Variants in AKAP6 observed in about 807,000 individuals in gnomAD.
The protein encoded by AKAP6 is A-kinase anchoring protein 6.
In AKAP6, 58 loss-of-function variants were observed where a neutral mutation model predicts 188.5. That is an observed-to-expected ratio of 0.31 (90% confidence interval 0.25 to 0.38). AKAP6 has a LOEUF of 0.38. Among genes scored for constraint, AKAP6 ranks in the 10% least tolerant of loss-of-function variants. The pLI is 1.00. For synonymous variants in AKAP6, 989 were observed against 998.6 expected, an observed-to-expected ratio of 0.99 and a Z score of 0.18; for missense variants, 2,710 against 2,740.0, an observed-to-expected ratio of 0.99 and a Z score of 0.24.
chr14:32,568,909 G>A lies in AKAP6; in HGVS notation c.2347-8211G>A, dbSNP rs1007874895. Among the ~76,000 whole-genome samples the A allele has an allele frequency of 2.6e-5, 4 of 152,068 alleles. No individual in the cohort carries two copies. The highest frequency in any genetic ancestry group is 6.6e-5 in the Admixed American group (1 of 15,262). The stretch of plus-strand genomic sequence containing the variant: ...TATTTTTATTAGACTTTGATGATAT[G>A]CATTCCAATCTTGTTTTGCCCTTAG... On this transcript the variant is annotated intron_variant, in intron 4 of 13. Transcript: ENST00000280979. The surrounding 1 kb of genome is among the most constrained non-coding windows in gnomAD (Gnocchi z 6.2).
intron 4 of AKAP6, among the ~76,000 whole-genome samples, chr14:32,553,565 CT>C (rs2139182605): frequency 6.6e-6 from 1 of 152,292 alleles, no homozygotes; most frequent in Admixed American, 6.5e-5. Flanking sequence ...GTAAATCCCC[CT>C]CTCATCCTTA....
At chr14:32,523,058 G>A (rs897261521) in intron 2 of AKAP6, among the ~76,000 whole-genome samples, 9 of 151,966 alleles carry the variant, frequency 5.9e-5, no homozygotes, top group Admixed American at 5.9e-4. Context: ...CCATCATTCT[G>A]AGCAAACTAT....
intron 2 of AKAP6, among the ~76,000 whole-genome samples, chr14:32,489,553 T>A (rs182734791): frequency 1.1e-4 from 16 of 152,290 alleles, no homozygotes; most frequent in Admixed American, 3.9e-4. Context: ...ATATGCAATG[T>A]TTTTAATTAA....
intron 9 of AKAP6, among the ~76,000 whole-genome samples, chr14:32,724,112 T>C (rs971675419): frequency 2.0e-5 from 3 of 152,162 alleles, no homozygotes; most frequent in African/African-American, 7.2e-5. Context: ...TTTACTAGCA[T>C]ACTGCTACAT....
intron 2 of AKAP6, among the ~76,000 whole-genome samples, chr14:32,483,480 A>G (rs1041216312): frequency 3.3e-5 from 5 of 151,880 alleles, no homozygotes; most frequent in African/African-American, 9.7e-5. Flanking sequence ...TTTTTTAAAA[A>G]AATTATTTAT....
chr14:32,540,872 G>T (rs563872115), intron 3 of AKAP6, among the ~76,000 whole-genome samples: 36 of 144,422 alleles, frequency 2.5e-4, no homozygotes, highest in Admixed American at 2.2e-3. Context: ...TTTTTTTTCA[G>T]GGAGGGATTT....
At chr14:32,465,563 C>T (rs1878364163) in intron 2 of AKAP6, among the ~76,000 whole-genome samples, 2 of 152,260 alleles carry the variant, frequency 1.3e-5, no homozygotes, top group East Asian at 3.9e-4. Flanking sequence ...TGGACCCCTT[C>T]CTTACACCTC....
intron 12 of AKAP6, among the ~76,000 whole-genome samples, chr14:32,811,147 G>A (rs557154788): frequency 4.0e-5 from 6 of 151,356 alleles, no homozygotes; most frequent in East Asian, 3.9e-4. Context: ...GCTGAGGCAG[G>A]AGAATGGCAT....
intron 11 of AKAP6, among the ~76,000 whole-genome samples, chr14:32,757,271 A>C (rs896980523): frequency 6.6e-6 from 1 of 152,130 alleles, no homozygotes; most frequent in Non-Finnish European, 1.5e-5. Flanking sequence ...GTTCAAATTG[A>C]TGTGTCTGTT....
chr14:32,765,357 C>T (rs2032680192), intron 11 of AKAP6, among the ~76,000 whole-genome samples: 1 of 152,074 alleles, frequency 6.6e-6, no homozygotes, highest in Non-Finnish European at 1.5e-5. Flanking sequence ...TCTGATATGT[C>T]AGGTCTCTCA....
intron 1 of AKAP6, among the ~76,000 whole-genome samples, chr14:32,389,865 G>A (rs1888653187): frequency 6.6e-6 from 1 of 152,068 alleles, no homozygotes; most frequent in Admixed American, 6.6e-5. Flanking sequence ...TGTGTTCTTG[G>A]TGCTTCTTGT....
intron 9 of AKAP6, among the ~76,000 whole-genome samples, chr14:32,727,004 A>G (rs2030906734): frequency 6.6e-6 from 1 of 152,246 alleles, no homozygotes; most frequent in African/African-American, 2.4e-5. Flanking sequence ...AATATTTAAT[A>G]TAAACTCATT....
chr14:32,346,663 C>T (rs981652356), intron 1 of AKAP6, among the ~76,000 whole-genome samples: 5 of 152,316 alleles, frequency 3.3e-5, no homozygotes, highest in East Asian at 1.9e-4. Flanking sequence ...GGCCCGCCAC[C>T]GCGCCTGGCT....
chr14:32,755,280 T>C (rs1292606437), intron 11 of AKAP6, among the ~76,000 whole-genome samples: 1 of 152,042 alleles, frequency 6.6e-6, no homozygotes, highest in Non-Finnish European at 1.5e-5. Flanking sequence ...TTGAGTCTGC[T>C]GTTGAAGCTC....
chr14:32,749,518 T>C (rs1289521906), intron 11 of AKAP6, among the ~76,000 whole-genome samples: 1 of 152,156 alleles, frequency 6.6e-6, no homozygotes, highest in Non-Finnish European at 1.5e-5. Context: ...TCTAGCATTG[T>C]AATATTCAGC....
intron 5 of AKAP6, among the ~76,000 whole-genome samples, chr14:32,589,551 G>A (rs1348338258): frequency 6.6e-6 from 1 of 152,146 alleles, no homozygotes; most frequent in African/African-American, 2.4e-5. Context: ...GCATCTAGAA[G>A]ACAAATAGTG....
At position 32,421,449 on chromosome 14, in the gene AKAP6, ATAC is replaced by A. The variant is rs572923894; in HGVS notation, c.-34-12009_-34-12007del. Among the ~76,000 whole-genome samples, 3 of 152,178 alleles carry A rather than the reference ATAC, an allele frequency of 2.0e-5. No individual in the cohort carries two copies. The South Asian group carries it at 6.2e-4, about 32-fold the overall frequency. ...GTGATTTTCATTTTTGCTATTATACATACTTTTATTTTCCCAGAGTCCTTTTTT... is the reference window on the plus strand; with the variant it reads ...GTGATTTTCATTTTTGCTATTATACATTTTATTTTCCCAGAGTCCTTTTTT... On this transcript the variant is annotated intron_variant, in intron 1 of 13. Coordinates refer to ENST00000280979, the MANE Select transcript of AKAP6 (RefSeq NM_004274.5).
intron 11 of AKAP6, among the ~76,000 whole-genome samples, chr14:32,745,497 GTCTC>G (rs368703359): frequency 1.8e-4 from 10 of 54,938 alleles, no homozygotes; most frequent in East Asian, 4.7e-4. Flanking sequence ...CTCTCTCTCT[GTCTC>G]TCTCTCTCTC....
intron 2 of AKAP6, among the ~76,000 whole-genome samples, chr14:32,472,711 T>G (rs2138865987): frequency 6.6e-6 from 1 of 152,304 alleles, no homozygotes; most frequent in Middle Eastern, 3.4e-3. Flanking sequence ...GGGCTCATTG[T>G]GCTCTGGCTG....
Sources: gnomAD v4.1 joint callset for allele counts (sites outside exome capture counted in the v4.1 genomes callset) on GRCh38, gnomAD v4.1.1 for gene constraint, Gnocchi (gnomAD v3.1) non-coding constraint, MANE v1.5 for transcripts, NCBI Gene and HGNC (gene_info 2026-07-23, HGNC 2026-07-21) for gene names.